The following MGAT5 variants were observed in gnomAD, a reference collection of about 807,000 sequenced individuals.
The protein encoded by MGAT5 is alpha-1,6-mannosylglycoprotein 6-beta-N-acetylglucosaminyltransferase.
MGAT5 carries 30 observed loss-of-function variants against 94.3 expected under a neutral mutation model. The observed-to-expected ratio is 0.32, with a 90% confidence interval of 0.24 to 0.43. MGAT5 has a LOEUF of 0.43. MGAT5 is among the 20% of genes least tolerant of loss of function. The pLI, the probability that MGAT5 is intolerant of heterozygous loss-of-function variation, is 1.00. For missense variants in MGAT5, 691 were observed against 905.5 expected (o/e 0.76, Z 3.04); for synonymous variants, 310 against 322.9 (o/e 0.96, Z 0.43).
chr2:134,178,648 G>A, intron 1 of MGAT5, among the ~76,000 whole-genome samples: 1 of 152,186 alleles, frequency 6.6e-6, no homozygotes, highest in East Asian at 1.9e-4. Context: ...GATGGCTGTG[G>A]CACAAGGATT....
intron 1 of MGAT5, among the ~76,000 whole-genome samples, chr2:134,170,053 C>G (rs1440205862): frequency 1.3e-5 from 2 of 152,138 alleles, no homozygotes; most frequent in Non-Finnish European, 2.9e-5. Context: ...CCATATGATG[C>G]ACCAACTAGG....
intron 12 of MGAT5, among the ~76,000 whole-genome samples, chr2:134,416,929 AATAT>A (rs1282456976): frequency 6.6e-6 from 1 of 151,734 alleles, no homozygotes; most frequent in African/African-American, 2.4e-5. Flanking sequence ...TTATGAAAAA[AATAT>A]ATATATTTCA....
chr2:134,186,202 A>C (rs1452871640), intron 1 of MGAT5, among the ~76,000 whole-genome samples: 1 of 152,194 alleles, frequency 6.6e-6, no homozygotes, highest in Non-Finnish European at 1.5e-5. Flanking sequence ...AAGCCCAGTT[A>C]TGATTTTAGC....
At position 134,338,373 on chromosome 2, in the gene MGAT5, A is replaced by C. The variant is rs142027297; in HGVS notation, c.760A>C (p.Lys254Gln). The change falls in exon 6 of 16, where the codon AAG becomes CAG. Residue 254 changes from lysine (K) to glutamine (Q), a missense_variant. By Grantham distance (53) the Lys-to-Gln change is moderately conservative (BLOSUM62 1). Around this residue, in one of 4 missense-constraint regions of MGAT5, gnomAD observed 307 missense variants for 335.4 expected, o/e 0.92. Coordinates refer to ENST00000281923, the MANE Select transcript of MGAT5 (RefSeq NM_002410.5). ...GGCTGACGCATGGATCCAAGCAATC[A>C]AGTCCCTGGCAGAAAAGCAGAACCT... is the stretch of plus-strand genomic sequence containing the variant. ...RMADAWIQAIKSLAEKQNLEK... is the reference protein window; with the variant it reads ...RMADAWIQAIQSLAEKQNLEK... The C allele has an allele frequency of 2.9e-5, 46 of 1,612,310 alleles. No homozygotes were observed. Among genetic ancestry groups the C allele is most frequent in the Non-Finnish European group, 3.8e-5 (45 of 1,179,288 alleles).
intron 11 of MGAT5, among the ~76,000 whole-genome samples, chr2:134,404,313 T>C (rs2106302515): frequency 6.6e-6 from 1 of 152,354 alleles, no homozygotes; most frequent in African/African-American, 2.4e-5. Flanking sequence ...TAGGGCATAA[T>C]CTCAGTTGTC....
intron 1 of MGAT5, among the ~76,000 whole-genome samples, chr2:134,182,927 C>CA: frequency 6.6e-6 from 1 of 151,684 alleles, no homozygotes. Context: ...GCTGTGACTA[C>CA]AGGCGCCCAC....
At chr2:134,180,528 A>G (rs998057592) in intron 1 of MGAT5, among the ~76,000 whole-genome samples, 3 of 152,198 alleles carry the variant, frequency 2.0e-5, no homozygotes, top group Admixed American at 2.0e-4. Flanking sequence ...CAGAAATAAA[A>G]ACTGAGGTCT....
chr2:134,145,864 C>A (rs1345941650), intron 1 of MGAT5, among the ~76,000 whole-genome samples: 1 of 152,226 alleles, frequency 6.6e-6, no homozygotes, highest in Non-Finnish European at 1.5e-5. Context: ...CTTCCTAACA[C>A]CTTCCCCCAA....
At chr2:134,304,541 T>C (rs947611494) in intron 2 of MGAT5, among the ~76,000 whole-genome samples, 1 of 152,192 alleles carries the variant, frequency 6.6e-6, no homozygotes, top group African/African-American at 2.4e-5. Flanking sequence ...TTCATTAGCC[T>C]TTTATGTGGA....
At chr2:134,122,824 AG>A (rs1442580853) in intron 1 of MGAT5, among the ~76,000 whole-genome samples, 1 of 152,204 alleles carries the variant, frequency 6.6e-6, no homozygotes, top group African/African-American at 2.4e-5. Context: ...GTTGGTTTTA[AG>A]GTGAACTGCA....
rs781160526 is a variant in MGAT5 at position 134,448,640 on chromosome 2, C to T, written c.2028-9C>T. ...TCACCAACACTTGTGCCTTTCTCTT[C>T]CTCTTCAGGTACAAGGTGACCTGCC... is the stretch of plus-strand genomic sequence containing the variant. On this transcript the variant is annotated splice_polypyrimidine_tract_variant and intron_variant, in intron 15 of 15. Coordinates refer to ENST00000281923, the MANE Select transcript of MGAT5 (RefSeq NM_002410.5). 2 of 1,613,810 alleles carry T rather than the reference C, an allele frequency of 1.2e-6. No individual in the cohort carries two copies. The highest frequency in any genetic ancestry group is 2.2e-5 in the East Asian group (1 of 44,876).
intron 9 of MGAT5, among the ~76,000 whole-genome samples, chr2:134,360,217 A>C (rs1558823089): frequency 6.6e-6 from 1 of 152,200 alleles, no homozygotes; most frequent in Non-Finnish European, 1.5e-5. Flanking sequence ...TGTCAGAGTT[A>C]ATTGAGTACC....
At chr2:134,212,839 A>C (rs115632156) in intron 1 of MGAT5, among the ~76,000 whole-genome samples, 1,527 of 152,256 alleles carry the variant, frequency 0.01, 23 homozygotes, top group African/African-American at 0.035. Context: ...AGTGTATCCA[A>C]CTATTATCTT....
At chr2:134,402,896 G>A in intron 10 of MGAT5, 92 bp from the exon 11 acceptor site, 3 of 1,265,568 alleles carry the variant, frequency 2.4e-6, no homozygotes, top group Non-Finnish European at 2.1e-6. Flanking sequence ...CTCTGTCTGT[G>A]GCCTCTAGTC....
chr2:134,345,045 C>A lies in MGAT5; in HGVS notation c.1093C>A (p.Pro365Thr). ...GLAQFKKTLG[P>T]SWVHYQCMLR... is the part of the protein sequence containing the mutation. The stretch of plus-strand genomic sequence containing the variant: ...TGCTCAATTCAAGAAAACTCTTGGA[C>A]CATCCTGGGTTCATTACCAGTAAGT... Residue 365 changes from proline to threonine, a missense_variant, in exon 8 of 16, where the codon CCA becomes ACA. By Grantham distance (38) the Pro-to-Thr change is conservative. Transcript: ENST00000281923. The A allele has an allele frequency of 6.2e-7, 1 of 1,613,412 alleles. No individual in the cohort carries two copies. The highest frequency in any genetic ancestry group is 8.5e-7 in the Non-Finnish European group (1 of 1,179,586).
At position 134,409,723 on chromosome 2, in the gene MGAT5, G is replaced by T. The variant is rs1683536304; in HGVS notation, c.1531-3146G>T. Among the ~76,000 whole-genome samples, 3 of 152,304 alleles carry T rather than the reference G, an allele frequency of 2.0e-5. No homozygotes were observed. In the South Asian group the frequency reaches 6.2e-4, roughly 32 times the overall value. On this transcript the variant is annotated intron_variant, in intron 11 of 15. Transcript: ENST00000281923. Reference sequence around the variant, plus strand: ...AGAACCCCCTTTATCCATGTTTAAAGATTCTTTAAGTACTCCACTTAGCAG... The same window carrying T: ...AGAACCCCCTTTATCCATGTTTAAATATTCTTTAAGTACTCCACTTAGCAG...
At position 134,289,388 on chromosome 2, in the gene MGAT5, G is replaced by A. The variant is rs192843999; in HGVS notation, c.406+18838G>A. 5.9e-5 allele frequency among the ~76,000 whole-genome samples: 9 copies of A among 152,200 alleles called. No individual in the cohort carries two copies. In the South Asian group the frequency reaches 1.0e-3, roughly 18 times the overall value. On this transcript the variant is annotated intron_variant, in intron 2 of 15. Transcript: ENST00000281923. ...CAATACTGCCCCTTGGTAGTGGCCC[G>A]GGCACAAAGCCATCAGCCAGCTGCT...
In MGAT5 at chr2:134,320,503, G is replaced by A. The variant is rs1687252171; in HGVS notation, c.573+1764G>A. ...GGCTTCCCCTTTATGGACTGGGGGA[G>A]GAAGGGGTTGGAGCAGAGTAGGCAG... On this transcript the variant is annotated intron_variant, in intron 4 of 15. Coordinates refer to ENST00000281923, the MANE Select transcript of MGAT5 (RefSeq NM_002410.5). Among the ~76,000 whole-genome samples the A allele has an allele frequency of 1.3e-5, 2 of 152,108 alleles. 1 individual carries two copies. Among genetic ancestry groups the A allele is most frequent in the South Asian group, 4.1e-4 (2 of 4,830 alleles).
chr2:134,215,347 T>G (rs1680428306), intron 1 of MGAT5, among the ~76,000 whole-genome samples: 1 of 152,156 alleles, frequency 6.6e-6, no homozygotes, highest in African/African-American at 2.4e-5. Flanking sequence ...ACTGGATAGC[T>G]TATAAAGAAA....
Sources: gnomAD v4.1 joint callset for allele counts (sites outside exome capture counted in the v4.1 genomes callset) on GRCh38, gnomAD v4.1.1 for gene constraint, gnomAD v4.1.1 regional missense constraint, MANE v1.5 for transcripts, NCBI Gene and HGNC (gene_info 2026-07-23, HGNC 2026-07-21) for gene names.